Variants in GALNT17 observed in about 807,000 individuals in gnomAD.
GALNT17 encodes UDP-GalNAc:polypeptide N-acetylgalactosaminyltransferase-like 3.
GALNT17 carries 29 observed loss-of-function variants against 63.7 expected under a neutral mutation model. The ratio of observed to expected loss-of-function variants is 0.46; its 90% CI spans 0.34 to 0.62. The LOEUF is 0.62. Ranked by LOEUF, GALNT17 falls within the 20% of genes least tolerant of loss-of-function variation. The probability of loss-of-function intolerance (pLI) is 0.01; values close to 1 mark genes in which losing one functional copy is unlikely to be tolerated. For missense variants in GALNT17, 603 were observed against 799.6 expected (o/e 0.75, Z 2.97); for synonymous variants, 305 against 318.3 (o/e 0.96, Z 0.45).
intron 5 of GALNT17, among the ~76,000 whole-genome samples, chr7:71,511,907 T>A (rs1788362130): frequency 6.6e-6 from 1 of 152,154 alleles, no homozygotes; most frequent in South Asian, 2.1e-4. Flanking sequence ...ACCACAGTAC[T>A]CTTAGGACAC....
At chr7:71,380,944 C>G (rs1792834116) in intron 2 of GALNT17, among the ~76,000 whole-genome samples, 1 of 148,100 alleles carries the variant, frequency 6.8e-6, no homozygotes, top group African/African-American at 2.5e-5. Flanking sequence ...GTCCCTAGGT[C>G]TGGGAGGAGC....
rs796728526 is a variant in GALNT17, at chr7:71,572,518, A to C, written c.1080+1116A>C. Reference sequence around the variant, plus strand: ...CCCTGTCTCATTAAAAAAAAAAAAAAAAAAAAAAAAAACTACATGTTTAAG... The same window carrying C: ...CCCTGTCTCATTAAAAAAAAAAAAACAAAAAAAAAAAACTACATGTTTAAG... On this transcript the variant is annotated intron_variant, in intron 6 of 10. Coordinates refer to ENST00000333538, the MANE Select transcript of GALNT17 (RefSeq NM_022479.3). Among the ~76,000 whole-genome samples the C allele has an allele frequency of 1.9e-4, 28 of 148,928 alleles. No individual in the cohort carries two copies. The East Asian group carries it at 3.5e-3, about 19-fold the overall frequency.
intron 1 of GALNT17, among the ~76,000 whole-genome samples, chr7:71,272,337 A>G (rs1352851046): frequency 6.6e-6 from 1 of 152,224 alleles, no homozygotes; most frequent in Non-Finnish European, 1.5e-5. Flanking sequence ...TTGGGTAGAT[A>G]CGTAGGAATG....
intron 6 of GALNT17, among the ~76,000 whole-genome samples, chr7:71,573,392 G>A (rs1168593162): frequency 1.3e-5 from 2 of 151,888 alleles, no homozygotes; most frequent in Non-Finnish European, 2.9e-5. Context: ...GTGCAGTGGC[G>A]CGATCTCGGC....
chr7:71,275,208 C>G lies in GALNT17; in HGVS notation c.239-60342C>G, dbSNP rs572628607. On this transcript the variant is annotated intron_variant, in intron 1 of 10. Transcript: ENST00000333538. The stretch of plus-strand genomic sequence containing the variant: ...ATCCTTCCCTTATAACAAAGATTCT[C>G]AGAGTCAGAAGTTGCAGGGGGGTCC... Among the ~76,000 whole-genome samples, 3 of 152,256 alleles carry G rather than the reference C, an allele frequency of 2.0e-5. No individual in the cohort carries two copies. The East Asian group carries it at 5.8e-4, about 29-fold the overall frequency.
Position 71,634,071 on chromosome 7 carries a change from A to G in GALNT17, c.1081-31340A>G, listed in dbSNP as rs1376234699. ...CAGGAAGAACCCCTCGGGCAGTGAC[A>G]TCTCTCAAATATTGTACATTGTATT... is the stretch of plus-strand genomic sequence containing the variant. On this transcript the variant is annotated intron_variant, in intron 6 of 10. Coordinates refer to ENST00000333538, the MANE Select transcript of GALNT17 (RefSeq NM_022479.3). Among the ~76,000 whole-genome samples, 3 of 152,324 alleles carry G rather than the reference A, an allele frequency of 2.0e-5. No homozygotes were observed. The East Asian group carries it at 5.8e-4, about 29-fold the overall frequency.
intron 5 of GALNT17, among the ~76,000 whole-genome samples, chr7:71,565,875 G>A (rs1413552249): frequency 2.2e-5 from 3 of 136,172 alleles, no homozygotes; most frequent in Non-Finnish European, 3.1e-5. Flanking sequence ...ACGGAGTCTC[G>A]CTCTTTCCCC....
chr7:71,145,859 C>T (rs1339798031), intron 1 of GALNT17, among the ~76,000 whole-genome samples: 13 of 152,112 alleles, frequency 8.5e-5, no homozygotes, highest in Admixed American at 5.2e-4. Flanking sequence ...GCGGCCGCCA[C>T]CACACCCCGC....
At chr7:71,553,238 G>C (rs2116836053) in intron 5 of GALNT17, among the ~76,000 whole-genome samples, 2 of 152,036 alleles carry the variant, frequency 1.3e-5, no homozygotes, top group Middle Eastern at 3.4e-3. Flanking sequence ...GAGGTGGGAG[G>C]ATTGCTTGAG....
chr7:71,591,328 T>G (rs1185847048), intron 6 of GALNT17, among the ~76,000 whole-genome samples: 1 of 152,150 alleles, frequency 6.6e-6, no homozygotes, highest in Non-Finnish European at 1.5e-5. Flanking sequence ...AGTGCTGGGA[T>G]TACAGGCGTG....
intron 6 of GALNT17, among the ~76,000 whole-genome samples, chr7:71,661,459 T>C (rs1240010970): frequency 6.6e-6 from 1 of 151,650 alleles, no homozygotes; most frequent in East Asian, 1.9e-4. Context: ...AAGTGGAGAG[T>C]AGAGGAGAGA....
intron 5 of GALNT17, among the ~76,000 whole-genome samples, chr7:71,498,439 C>T (rs1788130242): frequency 6.6e-6 from 1 of 151,962 alleles, no homozygotes; most frequent in Non-Finnish European, 1.5e-5. Flanking sequence ...TACCACTCCA[C>T]AACAGAGTGA....
chr7:71,134,227 C>T (rs1186159251), intron 1 of GALNT17, among the ~76,000 whole-genome samples: 5 of 152,178 alleles, frequency 3.3e-5, no homozygotes, highest in Admixed American at 3.3e-4. Context: ...TCTGGTTGAC[C>T]ACAGAGCCTG....
At chr7:71,288,394 A>T (rs1790916172) in intron 1 of GALNT17, among the ~76,000 whole-genome samples, 1 of 151,798 alleles carries the variant, frequency 6.6e-6, no homozygotes, top group Non-Finnish European at 1.5e-5. Context: ...AAGGAAATCC[A>T]TGTAGAAGTG....
intron 5 of GALNT17, among the ~76,000 whole-genome samples, chr7:71,504,755 G>A (rs950274899): frequency 2.0e-5 from 3 of 151,752 alleles, no homozygotes; most frequent in African/African-American, 7.3e-5. Context: ...TACTTATTGG[G>A]CCTGGCATGG....
intron 6 of GALNT17, among the ~76,000 whole-genome samples, chr7:71,663,769 G>A (rs559315062): frequency 6.6e-6 from 1 of 152,160 alleles, no homozygotes; most frequent in Non-Finnish European, 1.5e-5. Context: ...AGTCAAGAAG[G>A]GGGTATGTAG....
intron 6 of GALNT17, among the ~76,000 whole-genome samples, chr7:71,654,316 C>T (rs932812489): frequency 2.8e-4 from 43 of 152,156 alleles, no homozygotes; most frequent in Non-Finnish European, 2.2e-4. Flanking sequence ...TGAGCCACTG[C>T]GCCCGGCCGG....
In GALNT17 at chr7:71,222,442, G is replaced by A. The variant is rs147042272; in HGVS notation, c.238+89402G>A. ...CGAGTAGCTGGGATTACAGGTGTCC[G>A]CACCACGCCAGGCTAATTTTTGTAT... On this transcript the variant is annotated intron_variant, in intron 1 of 10. Transcript: ENST00000333538. 3.8e-4 allele frequency among the ~76,000 whole-genome samples: 57 copies of A among 151,770 alleles called. No homozygotes were observed. The East Asian group carries it at 7.6e-3, about 20-fold the overall frequency.
intron 1 of GALNT17, among the ~76,000 whole-genome samples, chr7:71,141,384 G>A (rs1326550353): frequency 5.4e-5 from 8 of 149,006 alleles, no homozygotes; most frequent in African/African-American, 1.5e-4. Context: ...AAAAAAAAAA[G>A]AAAAGAAAAA....
Sources: gnomAD v4.1 joint callset for allele counts (sites outside exome capture counted in the v4.1 genomes callset) on GRCh38, gnomAD v4.1.1 for gene constraint, MANE v1.5 for transcripts, NCBI Gene and HGNC (gene_info 2026-07-23, HGNC 2026-07-21) for gene names.